Variants in CCDC33 observed in about 807,000 individuals in gnomAD.
CCDC33 encodes coiled-coil domain-containing protein 33.
A neutral mutation model predicts 91.9 loss-of-function variants in CCDC33; 94 were observed. That is an observed-to-expected ratio of 1.02 (90% CI 0.87 to 1.21). CCDC33 has a LOEUF of 1.21. Among genes scored for constraint, CCDC33 ranks in the 50% most tolerant of loss-of-function variants. The pLI, the probability that CCDC33 is intolerant of heterozygous loss-of-function variation, is 0.00. For synonymous variants in CCDC33, 396 were observed against 374.5 expected (o/e 1.06, Z -0.66); for missense variants, 940 against 935.5 (o/e 1.00, Z -0.06).
chr15:74,256,958 T>C (rs1034647747), intron 2 of CCDC33, among the ~76,000 whole-genome samples: 6 of 152,148 alleles, frequency 3.9e-5, no homozygotes, highest in African/African-American at 1.4e-4. Context: ...GATCTTTGCC[T>C]TTGCTAGAGT....
intron 2 of CCDC33, among the ~76,000 whole-genome samples, chr15:74,261,307 G>C (rs778006091): frequency 6.6e-6 from 1 of 152,182 alleles, no homozygotes; most frequent in Non-Finnish European, 1.5e-5. Flanking sequence ...TAAGTCTAAA[G>C]GGCAGAGGGA....
chr15:74,252,204 C>T (rs1444322170), intron 2 of CCDC33, among the ~76,000 whole-genome samples: 1 of 152,166 alleles, frequency 6.6e-6, no homozygotes, highest in African/African-American at 2.4e-5. Flanking sequence ...GATGCTAACC[C>T]AGACTTCCAG....
At chr15:74,296,995 ATCC>A (rs1567011106) in intron 11 of CCDC33, among the ~76,000 whole-genome samples, 1 of 152,202 alleles carries the variant, frequency 6.6e-6, no homozygotes, top group African/African-American at 2.4e-5. Flanking sequence ...AGTCCAAGCC[ATCC>A]TCCTCCCAGG....
In CCDC33 at chr15:74,295,861, C is replaced by A. The variant is rs1343975174; in HGVS notation, c.1203C>A (p.Asp401Glu). ...LRTIQESWSK[D>E]TVSSTMDLST... ...CCATCCAAGAGTCCTGGTCCAAGGA[C>A]ACAGTGAGCTCCACAATGGACTTGA... The change falls in exon 11 of 19, where the codon GAC becomes GAA. Residue 401 changes from aspartate (D) to glutamate (E), a missense_variant. Transcript: ENST00000398814. 1.2e-6 allele frequency: 2 copies of A among 1,614,188 alleles called. No homozygotes were observed. The highest frequency in any genetic ancestry group is 3.3e-5 in the Admixed American group (2 of 60,022).
At chr15:74,254,986 G>A (rs1182056374) in intron 2 of CCDC33, among the ~76,000 whole-genome samples, 1 of 152,056 alleles carries the variant, frequency 6.6e-6, no homozygotes. Flanking sequence ...GATTGCAGGT[G>A]ATCCACCTGC....
At position 74,218,743 on chromosome 15, in the gene CCDC33, A is replaced by G. The variant is rs908658266; in HGVS notation, c.557A>G (p.Tyr186Cys). The stretch of plus-strand genomic sequence containing the variant: ...GCCCGACACTGTGGGAGCCTGGCCT[A>G]CAGTGTGGCCTTCCACGTCCACCGG... Residue 186 changes from tyrosine (Y) to cysteine (C), a missense_variant, in exon 2 of 3, where the codon TAC becomes TGC. By Grantham distance (194) the Tyr-to-Cys change is radical. Coordinates refer to the CCDC33 transcript ENST00000635913. This position sits in a 1 kb window ranked among gnomAD's most constrained non-coding sequence, Gnocchi z 4.8. The G allele has an allele frequency of 7.8e-7, 1 of 1,289,650 alleles. No homozygotes were observed. The highest frequency in any genetic ancestry group is 1.0e-6 in the Non-Finnish European group (1 of 988,862). The allele number at this position is 1,289,650 out of a possible 1,614,324, so 79.9% of individuals were successfully genotyped here.
At chr15:74,238,542 G>A (rs939621949) in intron 1 of CCDC33, among the ~76,000 whole-genome samples, 1 of 152,010 alleles carries the variant, frequency 6.6e-6, no homozygotes, top group South Asian at 2.1e-4. Context: ...GTATACTAGG[G>A]ATATTAATCC....
chr15:74,261,051 A>G (rs1232336511), intron 2 of CCDC33, among the ~76,000 whole-genome samples: 1 of 152,118 alleles, frequency 6.6e-6, no homozygotes, highest in African/African-American at 2.4e-5. Flanking sequence ...CTAACATCAC[A>G]CAGCTGGCAC....
intron 11 of CCDC33, among the ~76,000 whole-genome samples, chr15:74,310,306 A>G (rs1177753248): frequency 6.6e-6 from 1 of 152,204 alleles, no homozygotes; most frequent in African/African-American, 2.4e-5. Flanking sequence ...TGGAAGGCCG[A>G]GGCGGGCAGA....
chr15:74,297,356 T>C (rs991851955), intron 11 of CCDC33, among the ~76,000 whole-genome samples: 1 of 152,194 alleles, frequency 6.6e-6, no homozygotes, highest in African/African-American at 2.4e-5. Flanking sequence ...CTCCACATCC[T>C]GGCCTCGTGG....
chr15:74,246,952 C>G (rs563623098), intron 2 of CCDC33, among the ~76,000 whole-genome samples: 1 of 151,708 alleles, frequency 6.6e-6, no homozygotes, highest in Non-Finnish European at 1.5e-5. Flanking sequence ...CAAGACCACC[C>G]TGGCCAATAT....
chr15:74,270,091 G>A (rs1225614627), intron 5 of CCDC33, among the ~76,000 whole-genome samples: 2 of 152,252 alleles, frequency 1.3e-5, no homozygotes, highest in African/African-American at 4.8e-5. Flanking sequence ...TGAATGTGAT[G>A]AAGGGATTCA....
At chr15:74,219,539 C>T (rs951737852) in intron 2 of CCDC33, among the ~76,000 whole-genome samples, 6 of 152,112 alleles carry the variant, frequency 3.9e-5, no homozygotes, top group African/African-American at 7.2e-5. Context: ...CTCAGGGTGT[C>T]GCCTGGCTTG....
chr15:74,324,490 G>A (rs1313495085), intron 11 of CCDC33, among the ~76,000 whole-genome samples: 2 of 151,968 alleles, frequency 1.3e-5, no homozygotes, highest in Admixed American at 1.3e-4. Flanking sequence ...GCGGAAGGTG[G>A]TTGTCCTCCT....
intron 1 of CCDC33, among the ~76,000 whole-genome samples, chr15:74,205,048 AATGGAACCTGATGTATGGT>A (rs1168536084): frequency 6.6e-6 from 1 of 152,182 alleles, no homozygotes; most frequent in Non-Finnish European, 1.5e-5. Flanking sequence ...GCCTGCACCA[AATGGAACCTGATGTATGGT>A]AGGGCTTAGG....
chr15:74,306,519 G>A (rs1030037128), intron 11 of CCDC33, among the ~76,000 whole-genome samples: 1 of 152,236 alleles, frequency 6.6e-6, no homozygotes, highest in African/African-American at 2.4e-5. Flanking sequence ...GATCTGTTGA[G>A]TGGGAATTAC....
rs528924211 is a variant in CCDC33, at chr15:74,316,813, A to G, written c.1291-13376A>G. ...TATGCCAGACGCTGCTCGGACGTGTACACTCGCAGCCTCATTTAATCCCCA... is the reference window on the plus strand; with the variant it reads ...TATGCCAGACGCTGCTCGGACGTGTGCACTCGCAGCCTCATTTAATCCCCA... On this transcript the variant is annotated intron_variant, in intron 11 of 18. Transcript: ENST00000398814. This position sits in a 1 kb window ranked among gnomAD's most constrained non-coding sequence, Gnocchi z 4.7. Among the ~76,000 whole-genome samples, 3 of 152,258 alleles carry G rather than the reference A, an allele frequency of 2.0e-5. No homozygotes were observed. Among genetic ancestry groups the G allele is most frequent in the Admixed American group, 6.5e-5 (1 of 15,290 alleles).
At chr15:74,217,430 G>A in exon 1 of CCDC33, 1 of 1,289,848 alleles carries the variant, frequency 7.8e-7, no homozygotes, top group Non-Finnish European at 1.0e-6. Context: ...AGAACCCCCT[G>A]CAGGTGGGCT....
chr15:74,300,240 T>C (rs2059766540), intron 11 of CCDC33: 1 of 151,968 alleles, frequency 6.6e-6, no homozygotes, highest in Non-Finnish European at 1.5e-5. Flanking sequence ...AGCAGTGGAG[T>C]GTCGTTGCAT....
Sources: gnomAD v4.1 joint callset for allele counts (sites outside exome capture counted in the v4.1 genomes callset) on GRCh38, gnomAD v4.1.1 for gene constraint, Gnocchi (gnomAD v3.1) non-coding constraint, MANE v1.5 for transcripts, NCBI Gene and HGNC (gene_info 2026-07-23, HGNC 2026-07-21) for gene names.